SYT1: variants seen among roughly 807,000 people sequenced by gnomAD.
SYT1 encodes synaptotagmin-1.
A neutral mutation model predicts 44.8 loss-of-function variants in SYT1; 8 were observed. That is an observed-to-expected ratio of 0.18 (90% CI 0.10 to 0.32). The LOEUF (loss-of-function observed/expected upper bound fraction) is 0.32. SYT1 is among the 10% of genes least tolerant of loss of function. SYT1 has a pLI of 1.00. For missense variants in SYT1, 286 were observed against 509.3 expected (o/e 0.56, Z 4.22); for synonymous variants, 154 against 188.8 (o/e 0.82, Z 1.51).
intron 8 of SYT1, among the ~76,000 whole-genome samples, chr12:79,300,825 T>TATATATATATATATATG (rs1880115546): frequency 1.4e-5 from 1 of 72,434 alleles, no homozygotes; most frequent in Non-Finnish European, 3.1e-5. Context: ...ATATATATAT[T>TATATATATATATATATG]TACTGTCTCA....
At chr12:78,952,771 C>T (rs1461004697) in intron 1 of SYT1, among the ~76,000 whole-genome samples, 4 of 151,996 alleles carry the variant, frequency 2.6e-5, no homozygotes, top group African/African-American at 7.2e-5. Context: ...GGAGGTTGTT[C>T]GGGATGACAC....
chr12:79,391,287 G>C (rs1411706895), intron 9 of SYT1, among the ~76,000 whole-genome samples: 1 of 152,086 alleles, frequency 6.6e-6, no homozygotes. Flanking sequence ...AAAAATACCT[G>C]GTGGTTATTC....
chr12:79,156,027 C>A (rs1870571346), intron 3 of SYT1, among the ~76,000 whole-genome samples: 6 of 152,230 alleles, frequency 3.9e-5, no homozygotes, highest in Admixed American at 3.9e-4. Flanking sequence ...TTAAAATCTA[C>A]TTAGGTCTAA....
intron 8 of SYT1, among the ~76,000 whole-genome samples, chr12:79,328,917 G>T (rs1421453835): frequency 6.6e-6 from 1 of 151,304 alleles, no homozygotes; most frequent in African/African-American, 2.4e-5. Flanking sequence ...GAATTCCAAA[G>T]GAAAAAAAAT....
intron 3 of SYT1, among the ~76,000 whole-genome samples, chr12:79,158,120 A>G (rs934772798): frequency 2.0e-5 from 3 of 152,098 alleles, no homozygotes; most frequent in Non-Finnish European, 2.9e-5. Flanking sequence ...TTATTATTAC[A>G]TTGTAACATA....
chr12:79,272,344 G>A (rs1488851332), intron 4 of SYT1, among the ~76,000 whole-genome samples: 3 of 152,136 alleles, frequency 2.0e-5, no homozygotes, highest in Non-Finnish European at 2.9e-5. Flanking sequence ...CAATGAACGG[G>A]TAAAATGGAC....
At chr12:79,396,409 C>T (rs568680465) in intron 9 of SYT1, among the ~76,000 whole-genome samples, 77 of 152,192 alleles carry the variant, frequency 5.1e-4, no homozygotes, top group African/African-American at 1.8e-3. Context: ...CCTCCCAGTA[C>T]ATCAGAATCA....
chr12:79,219,544 G>A (rs1217422761), intron 4 of SYT1, among the ~76,000 whole-genome samples: 2 of 151,982 alleles, frequency 1.3e-5, no homozygotes, highest in African/African-American at 4.8e-5. Flanking sequence ...ATAGAGTATA[G>A]TTTCATTCTT....
intron 3 of SYT1, among the ~76,000 whole-genome samples, chr12:79,078,791 T>TAC (rs1565795998): frequency 1.3e-5 from 2 of 152,204 alleles, no homozygotes; most frequent in Admixed American, 1.3e-4. Flanking sequence ...AGTTTGTGTA[T>TAC]ACACACACAC....
At chr12:79,315,126 A>C (rs1434395877) in intron 8 of SYT1, among the ~76,000 whole-genome samples, 1 of 152,150 alleles carries the variant, frequency 6.6e-6, no homozygotes, top group Non-Finnish European at 1.5e-5. Flanking sequence ...TAAATGGGTG[A>C]ATTTTATGGT....
intron 2 of SYT1, among the ~76,000 whole-genome samples, chr12:79,025,776 G>A (rs1872492069): frequency 6.6e-6 from 1 of 151,578 alleles, no homozygotes; most frequent in South Asian, 2.1e-4. Context: ...GTGGTAGCAA[G>A]TTATAAAGCC....
chr12:79,209,233 T>C (rs773353504), intron 3 of SYT1, among the ~76,000 whole-genome samples: 40 of 152,168 alleles, frequency 2.6e-4, no homozygotes, highest in South Asian at 1.0e-3. Flanking sequence ...ATCTGCAAAC[T>C]TATGGAGGAT....
intron 1 of SYT1, among the ~76,000 whole-genome samples, chr12:78,893,635 C>T (rs1875174227): frequency 6.6e-6 from 1 of 151,738 alleles, no homozygotes; most frequent in South Asian, 2.1e-4. Flanking sequence ...TTTCTGCTTA[C>T]ACTAGGCCAG....
At position 79,378,069 on chromosome 12, in the gene SYT1, C is replaced by T. The variant is rs57549290; in HGVS notation, c.928+24450C>T. On this transcript the variant is annotated intron_variant, in intron 9 of 10. Coordinates refer to ENST00000261205, the MANE Select transcript of SYT1 (RefSeq NM_005639.3). ...CACTTATTCCTCATACTATCTAATTCTTAAAGCTCTTAACTATATAAAATG... is the reference window on the plus strand; with the variant it reads ...CACTTATTCCTCATACTATCTAATTTTTAAAGCTCTTAACTATATAAAATG... Among the ~76,000 whole-genome samples, 684 of 152,254 alleles carry T rather than the reference C, an allele frequency of 4.5e-3. 7 individuals carry two copies. Among genetic ancestry groups the T allele is most frequent in the African/African-American group, 0.016 (653 of 41,548 alleles).
At chr12:79,306,192 T>C (rs910968570) in intron 8 of SYT1, among the ~76,000 whole-genome samples, 2 of 152,218 alleles carry the variant, frequency 1.3e-5, no homozygotes, top group Non-Finnish European at 2.9e-5. Flanking sequence ...TTCAAGTAGA[T>C]TGGTTGAACA....
intron 4 of SYT1, among the ~76,000 whole-genome samples, chr12:79,260,749 C>T (rs543800646): frequency 4.6e-5 from 7 of 151,880 alleles, no homozygotes; most frequent in Admixed American, 6.6e-5. Flanking sequence ...TACATCTAAG[C>T]GTTAGATTAT....
chr12:79,158,024 C>T (rs371211481), intron 3 of SYT1, among the ~76,000 whole-genome samples: 17 of 152,130 alleles, frequency 1.1e-4, no homozygotes, highest in African/African-American at 3.9e-4. Flanking sequence ...TCATGGAAGA[C>T]GATTTTTCCA....
At chr12:79,303,797 A>T (rs373432131) in intron 8 of SYT1, among the ~76,000 whole-genome samples, 1 of 152,214 alleles carries the variant, frequency 6.6e-6, no homozygotes, top group Admixed American at 6.5e-5. Context: ...TCAATTCCTT[A>T]GTACTTCCTT....
intron 10 of SYT1, among the ~76,000 whole-genome samples, chr12:79,444,972 C>A (rs115412072): frequency 0.011 from 1,713 of 152,136 alleles, 24 homozygotes; most frequent in African/African-American, 0.035. Context: ...TCTTGCAAAT[C>A]TTTAATGGGC....
Sources: allele counts gnomAD v4.1 joint callset (sites outside exome capture counted in the v4.1 genomes callset), GRCh38; gene constraint gnomAD v4.1.1; transcripts MANE v1.5; gene names NCBI Gene and HGNC (gene_info 2026-07-23, HGNC 2026-07-21).